Variants in ARB2A observed in about 807,000 individuals in gnomAD.
ARB2A encodes the protein cotranscriptional regulator ARB2A.
the ARB2A span, among the ~76,000 whole-genome samples, chr5:94,088,600 A>C: frequency 3.3e-5 from 5 of 152,106 alleles, no homozygotes; most frequent in African/African-American, 9.7e-5. Context: ...AGATATCAGG[A>C]GTTTGACGTT....
the ARB2A span, among the ~76,000 whole-genome samples, chr5:93,904,747 T>C: frequency 6.6e-6 from 1 of 151,720 alleles, no homozygotes; most frequent in African/African-American, 2.4e-5. Context: ...AGTTGCAAAA[T>C]ATAACACCTT....
the ARB2A span, among the ~76,000 whole-genome samples, chr5:94,094,195 A>C: frequency 7.2e-5 from 11 of 152,212 alleles, no homozygotes; most frequent in Non-Finnish European, 1.3e-4. Context: ...AAACAAGATA[A>C]ATTTATTTTC....
the ARB2A span, among the ~76,000 whole-genome samples, chr5:93,897,084 T>C: frequency 1.3e-5 from 2 of 152,024 alleles, no homozygotes; most frequent in Non-Finnish European, 2.9e-5. Context: ...GATAATTTAG[T>C]GTATAAAAGC....
chr5:93,743,580 A>G, the ARB2A span: 1 of 984,876 alleles, frequency 1.0e-6, no homozygotes, highest in African/African-American at 1.7e-5. Context: ...TATCTGCCAA[A>G]CGGAATGAAA....
chr5:93,740,646 T>C, the ARB2A span: 1 of 1,613,704 alleles, frequency 6.2e-7, no homozygotes, highest in Non-Finnish European at 8.5e-7. Flanking sequence ...AGTAGAGACG[T>C]GTATAGTGGG....
the ARB2A span, among the ~76,000 whole-genome samples, chr5:93,880,423 T>TA: frequency 6.6e-6 from 1 of 151,862 alleles, no homozygotes; most frequent in South Asian, 2.1e-4. Context: ...TAAAAGGTAG[T>TA]ATGAAACATT....
At chr5:94,003,709 TAAAG>T in the ARB2A span, among the ~76,000 whole-genome samples, 62 of 151,864 alleles carry the variant, frequency 4.1e-4, no homozygotes, top group African/African-American at 1.3e-3. Flanking sequence ...ATAAAAGACA[TAAAG>T]AAATGTAAAG....
chr5:94,087,664 C>G, the ARB2A span, among the ~76,000 whole-genome samples: 3 of 152,176 alleles, frequency 2.0e-5, no homozygotes, highest in African/African-American at 2.4e-5. Context: ...CACTTACTCA[C>G]TCAGAGCAAC....
At chr5:93,734,635 T>C in the ARB2A span, 4 of 152,126 alleles carry the variant, frequency 2.6e-5, no homozygotes, top group Non-Finnish European at 5.9e-5. Context: ...TGAAGATCTA[T>C]TGGAGTCGGG....
chr5:93,989,087 G>A, the ARB2A span, among the ~76,000 whole-genome samples: 3 of 152,278 alleles, frequency 2.0e-5, no homozygotes, highest in East Asian at 3.9e-4. Flanking sequence ...GATGGTCAAA[G>A]TATAAGACAA....
At chr5:93,940,164 T>G in the ARB2A span, among the ~76,000 whole-genome samples, 1 of 152,088 alleles carries the variant, frequency 6.6e-6, no homozygotes, top group Non-Finnish European at 1.5e-5. Context: ...TGCATACTTA[T>G]TAGTACAAGG....
chr5:93,699,740 T>C, the ARB2A span, among the ~76,000 whole-genome samples: 8 of 151,864 alleles, frequency 5.3e-5, no homozygotes, highest in Non-Finnish European at 1.0e-4. Flanking sequence ...ACAGGGATGT[T>C]CTGTACCAAG....
chr5:94,099,068 A>G, the ARB2A span, among the ~76,000 whole-genome samples: 6 of 152,156 alleles, frequency 3.9e-5, no homozygotes, highest in Non-Finnish European at 7.3e-5. Context: ...AGCTGGTACC[A>G]TTCCTGCAGA....
the ARB2A span, among the ~76,000 whole-genome samples, chr5:93,916,314 T>C: frequency 6.6e-5 from 10 of 152,232 alleles, no homozygotes; most frequent in Admixed American, 4.6e-4. Flanking sequence ...AGAATTACTA[T>C]TTAAATGCAT....
At chr5:93,748,512 C>G in the ARB2A span, among the ~76,000 whole-genome samples, 1 of 151,944 alleles carries the variant, frequency 6.6e-6, no homozygotes, top group Non-Finnish European at 1.5e-5. Context: ...TTTTTAAATT[C>G]TCAAATATTG....
At chr5:93,761,525 G>C in the ARB2A span, among the ~76,000 whole-genome samples, 9 of 152,192 alleles carry the variant, frequency 5.9e-5, no homozygotes, top group Admixed American at 1.3e-4. Context: ...GCCCACCATT[G>C]CCCAGGCTTG....
At chr5:93,662,121 TC>T in the ARB2A span, among the ~76,000 whole-genome samples, 1 of 152,228 alleles carries the variant, frequency 6.6e-6, no homozygotes, top group Non-Finnish European at 1.5e-5. Context: ...CAGATTCATT[TC>T]ACGTTACAGC....
chr5:94,040,444 G>A, the ARB2A span, among the ~76,000 whole-genome samples: 5 of 151,642 alleles, frequency 3.3e-5, no homozygotes, highest in African/African-American at 4.8e-5. Flanking sequence ...ATGTTGGTGT[G>A]CTGCACCCAC....
chr5:93,695,836 T>C, the ARB2A span, among the ~76,000 whole-genome samples: 1 of 152,106 alleles, frequency 6.6e-6, no homozygotes, highest in Non-Finnish European at 1.5e-5. Context: ...ACATATACAC[T>C]ATGGAATACT....
Sources: gnomAD v4.1 joint callset for allele counts (sites outside exome capture counted in the v4.1 genomes callset) on GRCh38, gnomAD v4.1.1 for gene constraint, MANE v1.5 for transcripts, NCBI Gene and HGNC (gene_info 2026-07-23, HGNC 2026-07-21) for gene names.